The following FGF14 variants were observed in gnomAD, a reference collection of about 807,000 sequenced individuals.
FGF14 encodes the protein fibroblast growth factor 14.
FGF14 carries 5 observed loss-of-function variants against 25.5 expected under a neutral mutation model. That is an observed-to-expected ratio of 0.20 (90% CI 0.10 to 0.41). The LOEUF is 0.41. Among genes scored for constraint, FGF14 ranks in the 10% least tolerant of loss-of-function variants. The probability of loss-of-function intolerance (pLI) is 1.00; values close to 1 mark genes in which losing one functional copy is unlikely to be tolerated. For missense variants in FGF14, 222 were observed against 320.1 expected (o/e 0.69, Z 2.34); for synonymous variants, 138 against 118.3 (o/e 1.17, Z -1.08).
chr13:102,170,478 G>C (rs2048202321), intron 1 of FGF14, among the ~76,000 whole-genome samples: 1 of 151,984 alleles, frequency 6.6e-6, no homozygotes, highest in African/African-American at 2.4e-5. Flanking sequence ...GTCATTTACA[G>C]ACGAATGCAA....
intron 1 of FGF14, among the ~76,000 whole-genome samples, chr13:101,986,421 G>A (rs745838927): frequency 9.2e-5 from 14 of 152,054 alleles, no homozygotes; most frequent in Non-Finnish European, 1.8e-4. Context: ...CTGGAGTTGT[G>A]AATATCTCTC....
chr13:101,836,948 T>A (rs1304867178), intron 3 of FGF14, among the ~76,000 whole-genome samples: 2 of 152,106 alleles, frequency 1.3e-5, no homozygotes, highest in African/African-American at 2.4e-5. Context: ...CACAATTTTT[T>A]AATTAGAATT....
At chr13:101,977,506 C>T (rs550705736) in intron 1 of FGF14, among the ~76,000 whole-genome samples, 2 of 152,274 alleles carry the variant, frequency 1.3e-5, no homozygotes, top group African/African-American at 4.8e-5. Flanking sequence ...GTCAAATGGC[C>T]TAAGATGACC....
chr13:102,369,065 C>T (rs6491681), intron 1 of FGF14, among the ~76,000 whole-genome samples: 57,411 of 152,080 alleles, frequency 0.38, 13,546 homozygotes, highest in African/African-American at 0.67. Flanking sequence ...TACTTCCTCA[C>T]TGAAAAACTA....
rs2038389372 is a variant in FGF14, at chr13:101,983,550, T to G, written c.209-108254A>C. Among the ~76,000 whole-genome samples the G allele has an allele frequency of 2.0e-5, 3 of 152,206 alleles. No homozygotes were observed. In the South Asian group the frequency reaches 6.2e-4, roughly 32 times the overall value. On this transcript the variant is annotated intron_variant, in intron 1 of 4. Coordinates refer to the FGF14 transcript ENST00000376131. ...ATTTTAATGTCTTTGATTGTTAGCC[T>G]TGGATCCTTCCACTAAGGTAGAAAT...
chr13:102,298,417 T>C (rs942282684), intron 1 of FGF14, among the ~76,000 whole-genome samples: 7 of 152,158 alleles, frequency 4.6e-5, no homozygotes, highest in Non-Finnish European at 8.8e-5. Flanking sequence ...TTTTTAATAA[T>C]TGTCCTGTTT....
At chr13:102,160,198 A>G (rs770201087) in intron 1 of FGF14, among the ~76,000 whole-genome samples, 1 of 152,156 alleles carries the variant, frequency 6.6e-6, no homozygotes, top group Non-Finnish European at 1.5e-5. Flanking sequence ...AAGACAGCAC[A>G]TGATGTGGAA....
At chr13:102,027,447 C>T (rs73565767) in intron 1 of FGF14, among the ~76,000 whole-genome samples, 4,812 of 151,950 alleles carry the variant, frequency 0.032, 246 homozygotes, top group African/African-American at 0.11. Flanking sequence ...AATATATACT[C>T]TTTCTACTAT....
chr13:101,817,901 G>A (rs1192100384), intron 3 of FGF14, among the ~76,000 whole-genome samples: 1 of 152,212 alleles, frequency 6.6e-6, no homozygotes, highest in Non-Finnish European at 1.5e-5. Flanking sequence ...GAGAAAAATA[G>A]AGATTGTAAA....
At chr13:101,940,264 T>A (rs2035361160) in intron 1 of FGF14, among the ~76,000 whole-genome samples, 1 of 152,178 alleles carries the variant, frequency 6.6e-6, no homozygotes, top group African/African-American at 2.4e-5. Flanking sequence ...AAAAGGGTGA[T>A]CGGGAGGTCT....
At chr13:102,186,481 C>T (rs958932932) in intron 1 of FGF14, among the ~76,000 whole-genome samples, 1 of 151,996 alleles carries the variant, frequency 6.6e-6, no homozygotes, top group Non-Finnish European at 1.5e-5. Flanking sequence ...TTAATTTATA[C>T]ATTAAAAGCA....
intron 3 of FGF14, chr13:101,802,219 G>A (rs1234353173): frequency 5.4e-5 from 14 of 258,060 alleles, no homozygotes; most frequent in South Asian, 9.0e-5. Context: ...CCTGGCATCC[G>A]TGGCAAAAAG....
chr13:102,225,799 G>A (rs1477617838), intron 1 of FGF14, among the ~76,000 whole-genome samples: 1 of 152,082 alleles, frequency 6.6e-6, no homozygotes, highest in Non-Finnish European at 1.5e-5. Flanking sequence ...TTAACATTTA[G>A]GTAATGAAGT....
intron 1 of FGF14, among the ~76,000 whole-genome samples, chr13:101,959,602 T>G (rs1594832333): frequency 6.6e-6 from 1 of 152,210 alleles, no homozygotes; most frequent in East Asian, 1.9e-4. Context: ...TTCTTTCCTC[T>G]GACTCCCAGC....
intron 1 of FGF14, among the ~76,000 whole-genome samples, chr13:102,033,684 G>C (rs1330555937): frequency 6.6e-6 from 1 of 152,124 alleles, no homozygotes; most frequent in African/African-American, 2.4e-5. Flanking sequence ...AGGAGAGCCT[G>C]GCACCGAGTT....
At chr13:101,883,929 G>T (rs1286796950) in intron 1 of FGF14, among the ~76,000 whole-genome samples, 6 of 150,210 alleles carry the variant, frequency 4.0e-5, no homozygotes, top group African/African-American at 1.5e-4. Flanking sequence ...CGGGTGTGGT[G>T]GCATGTGCCT....
At chr13:102,275,405 T>C (rs1184536220) in intron 1 of FGF14, among the ~76,000 whole-genome samples, 1 of 152,068 alleles carries the variant, frequency 6.6e-6, no homozygotes, top group Non-Finnish European at 1.5e-5. Context: ...AAGGGGCTAT[T>C]ATATTTTTTT....
At chr13:102,143,351 AT>A (rs1288292834) in intron 1 of FGF14, among the ~76,000 whole-genome samples, 2 of 152,132 alleles carry the variant, frequency 1.3e-5, no homozygotes, top group Non-Finnish European at 2.9e-5. Flanking sequence ...TTAAAAAAAA[AT>A]GTGTGTGTGT....
chr13:102,136,661 GA>G (rs1350887640), intron 1 of FGF14, among the ~76,000 whole-genome samples: 125 of 142,902 alleles, frequency 8.7e-4, no homozygotes, highest in Middle Eastern at 3.5e-3. Context: ...AATTCTATGG[GA>G]AAAAAAAAAA....
Sources: gnomAD v4.1 joint callset for allele counts (sites outside exome capture counted in the v4.1 genomes callset) on GRCh38, gnomAD v4.1.1 for gene constraint, MANE v1.5 for transcripts, NCBI Gene and HGNC (gene_info 2026-07-23, HGNC 2026-07-21) for gene names.